The following RSRP1 variants were observed in gnomAD, a reference collection of about 807,000 sequenced individuals.
The protein encoded by RSRP1 is arginine/serine-rich protein 1.
A neutral mutation model predicts 33.0 loss-of-function variants in RSRP1; 37 were observed. The ratio of observed to expected loss-of-function variants is 1.12; its 90% CI spans 0.86 to 1.48. The LOEUF is 1.48. Among genes scored for constraint, RSRP1 ranks in the 40% most tolerant of loss-of-function variants. The pLI, the probability that RSRP1 is intolerant of heterozygous loss-of-function variation, is 0.00. For missense variants in RSRP1, 402 were observed against 385.3 expected (o/e 1.04, Z -0.36); for synonymous variants, 167 against 158.7 (o/e 1.05, Z -0.40).
upstream of RSRP1, among the ~76,000 whole-genome samples, chr1:25,248,560 T>C (rs1487010588): frequency 6.6e-6 from 1 of 152,210 alleles, no homozygotes; most frequent in Non-Finnish European, 1.5e-5. Flanking sequence ...TTCTTCCGCC[T>C]CAGCCTCCTG....
upstream of RSRP1, chr1:25,247,627 G>A (rs1481315385): frequency 3.9e-5 from 6 of 152,308 alleles, no homozygotes. Flanking sequence ...GCGCATGCGC[G>A]ATGGGGCTCC....
intron 1 of RSRP1, chr1:25,304,502 A>G: frequency 7.7e-6 from 1 of 129,520 alleles, no homozygotes; most frequent in African/African-American, 2.7e-5. Context: ...GGAGGCTGAG[A>G]CACGAGAATC....
chr1:25,244,196 G>A (rs1639148300), intron 3 of RSRP1: 2 of 1,289,022 alleles, frequency 1.6e-6, no homozygotes, highest in African/African-American at 1.5e-5. Flanking sequence ...AGTGAAGCAG[G>A]CCTCCTCTTC....
intron 1 of RSRP1, chr1:25,253,995 T>C (rs1257985823): frequency 1.3e-5 from 2 of 152,242 alleles, no homozygotes; most frequent in Non-Finnish European, 2.9e-5. Flanking sequence ...CATTTGTTGA[T>C]CTTAGATCAG....
In RSRP1 at chr1:25,246,915, C is replaced by T. The variant is rs145184206; in HGVS notation, c.49G>A (p.Asp17Asn). The T allele has an allele frequency of 4.4e-4, 698 of 1,597,810 alleles. 2 individuals are homozygous for T. The highest frequency in any genetic ancestry group is 2.6e-4 in the Non-Finnish European group (299 of 1,169,090). ...CCCGACCGCGAGGTCGAGGGCGAATCCTTCTCCTGCGGCGAGCCCGGCCAC... is the reference window on the plus strand; with the variant it reads ...CCCGACCGCGAGGTCGAGGGCGAATTCTTCTCCTGCGGCGAGCCCGGCCAC... ...DMWPGSPQEK[D>N]SPSTSRSGGS... Residue 17 changes from aspartate (D) to asparagine (N), a missense_variant, in exon 2 of 5, where the codon GAT becomes AAT. Physicochemically the swap from Asp to Asn is conservative, Grantham distance 23 (BLOSUM62 1). Transcript: ENST00000243189.
At chr1:25,281,128 A>G (rs1173609855) in intron 1 of RSRP1, among the ~76,000 whole-genome samples, 1 of 132,776 alleles carries the variant, frequency 7.5e-6, no homozygotes, top group Non-Finnish European at 1.8e-5. Flanking sequence ...TGAGAGAAGA[A>G]AGAGCTAGAG....
chr1:25,331,734 A>ATTTTTT (rs71014355), intron 1 of RSRP1, among the ~76,000 whole-genome samples: 4 of 43,192 alleles, frequency 9.3e-5, no homozygotes, highest in African/African-American at 2.6e-4. Context: ...TGCCCAGCTA[A>ATTTTTT]TTTTTTTTTT....
At chr1:25,334,926 G>A (rs1353842183) in intron 1 of RSRP1, among the ~76,000 whole-genome samples, 1 of 125,822 alleles carries the variant, frequency 7.9e-6, no homozygotes, top group Non-Finnish European at 1.8e-5. Context: ...GACCTGTGAT[G>A]GGAGGGGTTG....
At position 25,306,366 on chromosome 1, in the gene RSRP1, T is replaced by C. The variant is rs1313441563; in HGVS notation, c.-67+31612A>G. Among the ~76,000 whole-genome samples the C allele has an allele frequency of 3.8e-5, 5 of 131,754 alleles. 1 individual carries two copies. The highest frequency in any genetic ancestry group is 7.2e-5 in the Non-Finnish European group (4 of 55,750). 86.4% of individuals were successfully genotyped at this position (131,754 alleles called of 152,430 possible). On this transcript the variant is annotated intron_variant, in intron 1 of 1. Transcript: ENST00000561867. ...AGCAGCATTGGCATCACCTGGGACC[T>C]TGTTAGAAATGCTGTTAGACCCCAC...
At chr1:25,305,334 G>A (rs112420294) in intron 1 of RSRP1, among the ~76,000 whole-genome samples, 4 of 131,430 alleles carry the variant, frequency 3.0e-5, no homozygotes, top group African/African-American at 1.0e-4. Context: ...AAAGATGGGA[G>A]GTGCTCAGGC....
In RSRP1 at chr1:25,271,280, G is replaced by A. The variant is rs369247109; in HGVS notation, c.-66-24251C>T. Among the ~76,000 whole-genome samples, 492 of 130,658 alleles carry A rather than the reference G, an allele frequency of 3.8e-3. 63 individuals carry two copies. The highest frequency in any genetic ancestry group is 0.013 in the African/African-American group (480 of 38,250). 85.7% of individuals were successfully genotyped at this position (130,658 alleles called of 152,430 possible). ...GTCTAAAAACAAAATGACAGGATTC[G>A]ACTGGGTGATTAAAATCTCCTCTGA... On this transcript the variant is annotated intron_variant, in intron 1 of 1. Transcript: ENST00000561867.
At chr1:25,247,735 G>A (rs1639602526), upstream of RSRP1, 1 of 152,396 alleles carries the variant, frequency 6.6e-6, no homozygotes, top group Non-Finnish European at 1.5e-5. Context: ...AGAAAACTTC[G>A]AAGATGGAAC....
chr1:25,268,463 G>A (rs1246758254), intron 1 of RSRP1, among the ~76,000 whole-genome samples: 1 of 131,046 alleles, frequency 7.6e-6, no homozygotes, highest in East Asian at 2.0e-4. Flanking sequence ...AAGTTGCAAT[G>A]AGCCAAGATC....
rs1485083709 is a variant in RSRP1 at position 25,290,133 on chromosome 1, T to C, written c.-66-43104A>G. 7.0e-5 allele frequency among the ~76,000 whole-genome samples: 9 copies of C among 128,888 alleles called. 2 individuals carry two copies. Among genetic ancestry groups the C allele is most frequent in the African/African-American group, 2.4e-4 (9 of 36,966 alleles). 84.6% of individuals were successfully genotyped at this position (128,888 alleles called of 152,430 possible). ...CTGGGACTGGAAGCCGGGCTTGTCCTGATTCCAAATCCAGTTTCTTTCCAC... is the reference window on the plus strand; with the variant it reads ...CTGGGACTGGAAGCCGGGCTTGTCCCGATTCCAAATCCAGTTTCTTTCCAC... On this transcript the variant is annotated intron_variant, in intron 1 of 1. Coordinates refer to the RSRP1 transcript ENST00000561867.
chr1:25,294,627 C>T lies in RSRP1; in HGVS notation c.-67+43351G>A. On this transcript the variant is annotated intron_variant, in intron 1 of 1. Transcript: ENST00000561867. ...TTGGGCACCGCAAACGGCACTCAGC[C>T]TCCAGGGAACCGCCATCTCGTTCCT... is the stretch of plus-strand genomic sequence containing the variant. 2.9e-6 allele frequency: 3 copies of T among 1,049,182 alleles called. 1 individual carries two copies. Among genetic ancestry groups the T allele is most frequent in the Non-Finnish European group, 4.4e-6 (3 of 685,882 alleles). 65.0% of individuals were successfully genotyped at this position (1,049,182 alleles called of 1,614,324 possible).
At position 25,307,756 on chromosome 1, in the gene RSRP1, T is replaced by C. The variant is rs1643927946; in HGVS notation, c.-67+30222A>G. 2.3e-6 allele frequency: 3 copies of C among 1,306,580 alleles called. No homozygotes were observed. In the African/African-American group the frequency reaches 4.4e-5, roughly 19 times the overall value. The allele number at this position is 1,306,580 out of a possible 1,614,324, so 80.9% of individuals were successfully genotyped here. A position where few individuals can be genotyped will look rare whatever the true frequency, so the allele number is the denominator to read the frequency against. On this transcript the variant is annotated intron_variant, in intron 1 of 1. Transcript: ENST00000561867. Reference sequence around the variant, plus strand: ...TGGAGGCGCTGCGGTTCCTACCGGTTCTTGGATGCCTTCTACAGAGACAAC... The same window carrying C: ...TGGAGGCGCTGCGGTTCCTACCGGTCCTTGGATGCCTTCTACAGAGACAAC...
intron 1 of RSRP1, among the ~76,000 whole-genome samples, chr1:25,333,582 G>T (rs1360781324): frequency 7.6e-6 from 1 of 130,968 alleles, no homozygotes; most frequent in African/African-American, 2.6e-5. Context: ...GAGGTGGCCT[G>T]GCCAGGAGCT....
upstream of RSRP1, among the ~76,000 whole-genome samples, chr1:25,249,732 G>A (rs915274150): frequency 1.3e-5 from 2 of 152,268 alleles, no homozygotes; most frequent in African/African-American, 2.4e-5. Flanking sequence ...AAAAACATAC[G>A]CGGTCTACCT....
intron 4 of RSRP1, among the ~76,000 whole-genome samples, chr1:25,243,050 C>T (rs1355127085): frequency 6.6e-6 from 1 of 152,018 alleles, no homozygotes; most frequent in Non-Finnish European, 1.5e-5. Context: ...GCCAAGATTG[C>T]ACCACTACAC....
Sources: allele counts gnomAD v4.1 joint callset (sites outside exome capture counted in the v4.1 genomes callset), GRCh38; gene constraint gnomAD v4.1.1; transcripts MANE v1.5; gene names NCBI Gene and HGNC (gene_info 2026-07-23, HGNC 2026-07-21).